Variants in NEGR1 observed in about 807,000 individuals in gnomAD.
NEGR1 encodes the protein neuronal growth regulator 1.
A neutral mutation model predicts 40.9 loss-of-function variants in NEGR1; 10 were observed. The ratio of observed to expected loss-of-function variants is 0.24; its 90% CI spans 0.15 to 0.42. The LOEUF is 0.42. NEGR1 is among the 10% of genes least tolerant of loss of function. The probability of loss-of-function intolerance (pLI) is 1.00; values close to 1 mark genes in which losing one functional copy is unlikely to be tolerated. For synonymous variants in NEGR1, 185 were observed against 166.8 expected, an observed-to-expected ratio of 1.11 and a Z score of -0.84; for missense variants, 352 against 438.9, an observed-to-expected ratio of 0.80 and a Z score of 1.77.
chr1:71,682,125 C>T (rs368224276), intron 4 of NEGR1, among the ~76,000 whole-genome samples: 19 of 152,326 alleles, frequency 1.2e-4, no homozygotes, highest in Admixed American at 5.2e-4. Context: ...CCACATCCAG[C>T]CACATTCCAT....
At chr1:72,092,890 T>C (rs1162495276) in intron 1 of NEGR1, among the ~76,000 whole-genome samples, 3 of 152,114 alleles carry the variant, frequency 2.0e-5, no homozygotes, top group Non-Finnish European at 4.4e-5. Context: ...GGGTTCAAAC[T>C]ATATGCCTGT....
intron 3 of NEGR1, among the ~76,000 whole-genome samples, chr1:71,706,138 G>A (rs1653889458): frequency 6.6e-6 from 1 of 152,226 alleles, no homozygotes; most frequent in Admixed American, 6.5e-5. Context: ...GTCTCCGGAT[G>A]CAGCTGTGCG....
intron 4 of NEGR1, among the ~76,000 whole-genome samples, chr1:71,613,655 C>T (rs927199997): frequency 6.0e-5 from 8 of 133,590 alleles, no homozygotes; most frequent in African/African-American, 2.3e-4. Flanking sequence ...AACTCCATCT[C>T]GAAAAAAAAA....
chr1:71,505,541 A>G (rs2101407899), intron 6 of NEGR1, among the ~76,000 whole-genome samples: 1 of 152,184 alleles, frequency 6.6e-6, no homozygotes, highest in East Asian at 1.9e-4. Context: ...TCAGCCTCCC[A>G]AAGTGCTGGG....
chr1:71,896,186 T>C (rs914480126), intron 2 of NEGR1, among the ~76,000 whole-genome samples: 56 of 151,944 alleles, frequency 3.7e-4, no homozygotes, highest in African/African-American at 1.2e-3. Context: ...TACAGGTGCA[T>C]GCCACCATGC....
rs74834406 is a variant in NEGR1, at chr1:71,823,150, C to A, written c.410-46853G>T. Reference sequence around the variant, plus strand: ...ATACTTCGGAATCAGGCTCAAATATCCCAATGTATAGAGTAATGGAGATGC... The same window carrying A: ...ATACTTCGGAATCAGGCTCAAATATACCAATGTATAGAGTAATGGAGATGC... On this transcript the variant is annotated intron_variant, in intron 2 of 6. Transcript: ENST00000357731. Among the ~76,000 whole-genome samples, 176 of 152,024 alleles carry A rather than the reference C, an allele frequency of 1.2e-3. 4 individuals are homozygous for A. In the East Asian group the frequency reaches 0.031, roughly 27 times the overall value.
chr1:71,537,408 G>A (rs1261760877), intron 6 of NEGR1, among the ~76,000 whole-genome samples: 1 of 151,654 alleles, frequency 6.6e-6, no homozygotes, highest in Admixed American at 6.6e-5. Flanking sequence ...TAAGACTTCA[G>A]TACTAGTAGC....
Position 72,064,959 on chromosome 1 carries a change from T to A in NEGR1, c.177-129648A>T, listed in dbSNP as rs190319197. Among the ~76,000 whole-genome samples, 159 of 152,204 alleles carry A rather than the reference T, an allele frequency of 1.0e-3. 3 individuals are homozygous for A. The highest frequency in any genetic ancestry group is 9.1e-3 in the Admixed American group (138 of 15,244). On this transcript the variant is annotated intron_variant, in intron 1 of 6. Transcript: ENST00000357731. Reference sequence around the variant, plus strand: ...ATTATAAATTACTGTTAACTCCAGTTCTGTTTTATTATTATTATTTTCACA... The same window carrying A: ...ATTATAAATTACTGTTAACTCCAGTACTGTTTTATTATTATTATTTTCACA...
chr1:71,407,645 GC>G, intron 6 of NEGR1, 75 bp from the exon 7 acceptor site: 1 of 1,454,534 alleles, frequency 6.9e-7, no homozygotes, highest in African/African-American at 1.4e-5. Flanking sequence ...TCAAAAGGTA[GC>G]CAGGTGCATC....
chr1:71,965,847 T>A (rs1190590121), intron 1 of NEGR1, among the ~76,000 whole-genome samples: 5 of 152,222 alleles, frequency 3.3e-5, no homozygotes, highest in Non-Finnish European at 7.4e-5. Context: ...CTTTATTTGA[T>A]CCTCATAATA....
intron 6 of NEGR1, among the ~76,000 whole-genome samples, chr1:71,575,740 G>A (rs543264361): frequency 1.2e-4 from 18 of 152,172 alleles, no homozygotes; most frequent in Admixed American, 5.9e-4. Flanking sequence ...CCGAGATCTC[G>A]CCACTGCACT....
chr1:71,701,433 G>T (rs1470365081), intron 3 of NEGR1, among the ~76,000 whole-genome samples: 1 of 151,930 alleles, frequency 6.6e-6, no homozygotes, highest in Non-Finnish European at 1.5e-5. Flanking sequence ...CAAATGTTGG[G>T]TCAAGTCTTT....
intron 4 of NEGR1, among the ~76,000 whole-genome samples, chr1:71,683,713 T>C (rs1048877610): frequency 6.6e-6 from 1 of 151,920 alleles, no homozygotes; most frequent in Non-Finnish European, 1.5e-5. Flanking sequence ...TGGGTTGTTT[T>C]GATATTCAGT....
At chr1:71,555,154 C>A (rs997496941) in intron 6 of NEGR1, among the ~76,000 whole-genome samples, 1 of 151,546 alleles carries the variant, frequency 6.6e-6, no homozygotes, top group Admixed American at 6.6e-5. Context: ...TGCCATGAAT[C>A]CCCCTCACTC....
In NEGR1 at chr1:72,020,200, G is replaced by A. The variant is rs182436077; in HGVS notation, c.177-84889C>T. 6.8e-3 allele frequency among the ~76,000 whole-genome samples: 1,035 copies of A among 152,216 alleles called. 6 individuals are homozygous for A. The highest frequency in any genetic ancestry group is 0.011 in the Non-Finnish European group (733 of 68,006). ...TATGGGTTAGCGAGCAGGAAATTAA[G>A]GGTAACAAAATCCTCAGAGGCCAAT... On this transcript the variant is annotated intron_variant, in intron 1 of 6. Coordinates refer to ENST00000357731, the MANE Select transcript of NEGR1 (RefSeq NM_173808.3).
intron 6 of NEGR1, among the ~76,000 whole-genome samples, chr1:71,441,076 G>A (rs992146268): frequency 1.2e-4 from 18 of 152,116 alleles, no homozygotes; most frequent in African/African-American, 3.6e-4. Flanking sequence ...TTCAAGGCAC[G>A]TCCAGCTGAA....
chr1:72,075,641 A>G (rs1647696207), intron 1 of NEGR1, among the ~76,000 whole-genome samples: 1 of 152,198 alleles, frequency 6.6e-6, no homozygotes, highest in African/African-American at 2.4e-5. Context: ...ACAGATGACT[A>G]CCCAGGTCCT....
intron 1 of NEGR1, among the ~76,000 whole-genome samples, chr1:72,139,844 T>C (rs1650606482): frequency 6.6e-6 from 1 of 152,104 alleles, no homozygotes; most frequent in South Asian, 2.1e-4. Context: ...TGTAATATAT[T>C]GCAAGTTATC....
chr1:72,277,196 G>T (rs1482097833), intron 1 of NEGR1, among the ~76,000 whole-genome samples: 1 of 152,106 alleles, frequency 6.6e-6, no homozygotes, highest in Non-Finnish European at 1.5e-5. Context: ...GGGAAATGTA[G>T]CTTGAGGGAT....
Sources: allele counts gnomAD v4.1 joint callset (sites outside exome capture counted in the v4.1 genomes callset), GRCh38; gene constraint gnomAD v4.1.1; transcripts MANE v1.5; gene names NCBI Gene and HGNC (gene_info 2026-07-23, HGNC 2026-07-21).